The following GPATCH8 variants were observed in gnomAD, a reference collection of about 807,000 sequenced individuals.
GPATCH8 encodes G-patch domain containing 8.
A neutral mutation model predicts 118.3 loss-of-function variants in GPATCH8; 18 were observed. That is an observed-to-expected ratio of 0.15 (90% CI 0.11 to 0.23). GPATCH8 has a LOEUF of 0.23. Ranked by LOEUF, GPATCH8 falls within the 10% of genes least tolerant of loss-of-function variation. The probability of loss-of-function intolerance (pLI) is 1.00; values close to 1 mark genes in which losing one functional copy is unlikely to be tolerated. For synonymous variants in GPATCH8, 659 were observed against 684.7 expected (o/e 0.96, Z 0.59); for missense variants, 1,631 against 1,873.8 (o/e 0.87, Z 2.39).
intron 1 of GPATCH8, among the ~76,000 whole-genome samples, chr17:44,485,509 C>T (rs1968709933): frequency 6.6e-6 from 1 of 152,116 alleles, no homozygotes; most frequent in African/African-American, 2.4e-5. Context: ...TCACTGCAGA[C>T]TCCGTCTCCT....
chr17:44,489,767 A>G (rs1479159816), intron 1 of GPATCH8, among the ~76,000 whole-genome samples: 1 of 152,196 alleles, frequency 6.6e-6, no homozygotes, highest in East Asian at 1.9e-4. Flanking sequence ...AGTAGTGGTG[A>G]TATTTTATTT....
chr17:44,453,500 GGTGT>G (rs56962134), intron 3 of GPATCH8, among the ~76,000 whole-genome samples: 16 of 142,768 alleles, frequency 1.1e-4, no homozygotes, highest in South Asian at 2.2e-4. Flanking sequence ...GGTAGGTAGG[GGTGT>G]GTGTGTGTGT....
At chr17:44,451,147 ACT>A (rs2051097670) in intron 3 of GPATCH8, among the ~76,000 whole-genome samples, 1 of 152,104 alleles carries the variant, frequency 6.6e-6, no homozygotes, top group East Asian at 1.9e-4. Context: ...ACAGAGTCTT[ACT>A]CTGTCACCCA....
intron 1 of GPATCH8, among the ~76,000 whole-genome samples, chr17:44,483,455 T>C (rs915782679): frequency 6.6e-6 from 1 of 150,748 alleles, no homozygotes. Flanking sequence ...TTCACCATAT[T>C]GGCCAGGCTG....
At chr17:44,453,498 G>GTGTGTGTGTGTGTGTGTGTGTGT (rs1298562128) in intron 3 of GPATCH8, among the ~76,000 whole-genome samples, 3,637 of 130,006 alleles carry the variant, frequency 0.028, 155 homozygotes, top group Middle Eastern at 0.042. Flanking sequence ...TAGGTAGGTA[G>GTGTGTGTGTGTGTGTGTGTGTGT]GGGTGTGTGT....
chr17:44,484,450 T>C (rs1453849269), intron 1 of GPATCH8, among the ~76,000 whole-genome samples: 1 of 152,218 alleles, frequency 6.6e-6, no homozygotes, highest in Non-Finnish European at 1.5e-5. Flanking sequence ...TTCTCAATAT[T>C]TGACACCAGA....
chr17:44,398,144 G>A lies in GPATCH8; in HGVS notation c.3933C>T (p.Thr1311=), dbSNP rs778513100. Residue 1311 remains threonine (T), a synonymous_variant, in exon 8 of 8, where the codon ACC becomes ACT. Transcript: ENST00000591680. ...SLAPLESQPI[T]FTPEEMEKYS... ...ACTTCTCCATCTCCTCAGGGGTGAAGGTGATGGGCTGGCTTTCCAGGGGGG... is the reference window on the plus strand; with the variant it reads ...ACTTCTCCATCTCCTCAGGGGTGAAAGTGATGGGCTGGCTTTCCAGGGGGG... 1.5e-5 allele frequency: 24 copies of A among 1,613,590 alleles called. No individual in the cohort carries two copies. The highest frequency in any genetic ancestry group is 8.8e-5 in the South Asian group (8 of 91,086).
At position 44,401,926 on chromosome 17, in the gene GPATCH8, C is replaced by T. The variant is rs147476855; in HGVS notation, c.624-473G>A. Reference sequence around the variant, plus strand: ...GGCTGAGGCAGAAGAATCGCTCTAACCTGGGAGATGGAGGTTGCAGTGAGC... The same window carrying T: ...GGCTGAGGCAGAAGAATCGCTCTAATCTGGGAGATGGAGGTTGCAGTGAGC... On this transcript the variant is annotated intron_variant, in intron 7 of 7. Transcript: ENST00000591680. 1.3e-4 allele frequency among the ~76,000 whole-genome samples: 20 copies of T among 151,866 alleles called. No individual in the cohort carries two copies. The East Asian group carries it at 3.7e-3, about 28-fold the overall frequency.
Position 44,395,560 on chromosome 17 carries a change from T to C in GPATCH8, c.*2008A>G, listed in dbSNP as rs1169481672. On this transcript the variant is annotated 3_prime_UTR_variant, in exon 8 of 8. Transcript: ENST00000591680. ...TACATGGGCTGAAAGCAAAGAAAAATGAGTCCCTTCACTTACACAGATGAT... is the reference window on the plus strand; with the variant it reads ...TACATGGGCTGAAAGCAAAGAAAAACGAGTCCCTTCACTTACACAGATGAT... 1 of 454,194 alleles carries C rather than the reference T, an allele frequency of 2.2e-6. No homozygotes were observed. Among genetic ancestry groups the C allele is most frequent in the African/African-American group, 2.0e-5 (1 of 49,954 alleles). The allele number at this position is 454,194 out of a possible 1,614,324, so 28.1% of individuals were successfully genotyped here. A position where few individuals can be genotyped will look rare whatever the true frequency, so the allele number is the denominator to read the frequency against.
At chr17:44,503,255 G>C (rs1970231053) in intron 1 of GPATCH8, 71 bp downstream of exon 1, 1 of 1,332,578 alleles carries the variant, frequency 7.5e-7, no homozygotes, top group Non-Finnish European at 1.1e-6. Flanking sequence ...AGAGGGCTGG[G>C]AGCCGGAGAT....
chr17:44,439,117 C>A (rs1402369880), intron 3 of GPATCH8, among the ~76,000 whole-genome samples: 2 of 152,132 alleles, frequency 1.3e-5, no homozygotes, highest in Non-Finnish European at 2.9e-5. Context: ...GTAATCAAGT[C>A]ATTTACTTCA....
chr17:44,468,114 C>T (rs886127925), intron 2 of GPATCH8, among the ~76,000 whole-genome samples: 3 of 151,622 alleles, frequency 2.0e-5, no homozygotes, highest in East Asian at 3.9e-4. Context: ...ACTACAGACA[C>T]GCACCACCAC....
At chr17:44,500,828 G>A (rs950746464) in intron 1 of GPATCH8, among the ~76,000 whole-genome samples, 2 of 152,160 alleles carry the variant, frequency 1.3e-5, no homozygotes, top group African/African-American at 2.4e-5. Context: ...AGGAGGCCAC[G>A]TTTAATTTTG....
chr17:44,457,929 C>CA (rs1458196658), intron 3 of GPATCH8, among the ~76,000 whole-genome samples: 1 of 151,766 alleles, frequency 6.6e-6, no homozygotes, highest in Non-Finnish European at 1.5e-5. Flanking sequence ...AAAAAAAATA[C>CA]AAAAAATTAG....
At chr17:44,453,528 T>TGTGTGTGTGTGTGTGTGTGC (rs1482667373) in intron 3 of GPATCH8, among the ~76,000 whole-genome samples, 2 of 150,584 alleles carry the variant, frequency 1.3e-5, no homozygotes, top group Non-Finnish European at 2.9e-5. Context: ...TGTGTGTGTG[T>TGTGTGTGTGTGTGTGTGTGC]GTGCAGGCGC....
At chr17:44,417,020 A>C (rs114968903) in intron 6 of GPATCH8, among the ~76,000 whole-genome samples, 123 of 152,270 alleles carry the variant, frequency 8.1e-4, no homozygotes, top group African/African-American at 3.0e-3. Context: ...ACTGAATCCT[A>C]CAGTTAAAGG....
intron 3 of GPATCH8, among the ~76,000 whole-genome samples, chr17:44,439,783 CT>C (rs200851468): frequency 0.013 from 1,836 of 140,470 alleles, 26 homozygotes; most frequent in East Asian, 0.035. Flanking sequence ...GAAAACTCAA[CT>C]TTTTTTTTTT....
intron 3 of GPATCH8, among the ~76,000 whole-genome samples, chr17:44,462,092 C>G (rs189084052): frequency 3.3e-5 from 5 of 152,184 alleles, no homozygotes; most frequent in Admixed American, 2.6e-4. Flanking sequence ...AACACATTAT[C>G]TATCTCTTCT....
intron 1 of GPATCH8, among the ~76,000 whole-genome samples, chr17:44,490,422 A>G (rs1204426039): frequency 6.6e-6 from 1 of 152,184 alleles, no homozygotes; most frequent in Non-Finnish European, 1.5e-5. Context: ...CCTATATTAC[A>G]GCATTCCTAA....
Sources: gnomAD v4.1 joint callset for allele counts (sites outside exome capture counted in the v4.1 genomes callset) on GRCh38, gnomAD v4.1.1 for gene constraint, MANE v1.5 for transcripts, NCBI Gene and HGNC (gene_info 2026-07-23, HGNC 2026-07-21) for gene names.